ALKBH1: variants seen among roughly 807,000 people sequenced by gnomAD.
ALKBH1 encodes the protein alkB homolog 1, histone H2A dioxygenase.
A neutral mutation model predicts 36.6 loss-of-function variants in ALKBH1; 31 were observed. The observed-to-expected ratio is 0.85, with a 90% CI of 0.64 to 1.14. The LOEUF is 1.14. Among genes scored for constraint, ALKBH1 ranks in the 50% most tolerant of loss-of-function variants. The probability of loss-of-function intolerance (pLI) is 0.00; values close to 1 mark genes in which losing one functional copy is unlikely to be tolerated. For synonymous variants in ALKBH1, 183 were observed against 186.6 expected (o/e 0.98, Z 0.16); for missense variants, 490 against 497.3 (o/e 0.99, Z 0.14).
chr14:77,704,532 C>T lies in ALKBH1; in HGVS notation c.184-55G>A, dbSNP rs1212177956. The T allele has an allele frequency of 1.2e-5, 17 of 1,411,586 alleles. 1 individual carries two copies. Among genetic ancestry groups the T allele is most frequent in the South Asian group, 3.5e-5 (3 of 86,330 alleles). 87.4% of individuals were successfully genotyped at this position (1,411,586 alleles called of 1,614,324 possible). Reference sequence around the variant, plus strand: ...CTAAATCTATTTTGCAGGTCAACCCCGGGAACCTCAAACCTCCAAACACAT... The same window carrying T: ...CTAAATCTATTTTGCAGGTCAACCCTGGGAACCTCAAACCTCCAAACACAT... On this transcript the variant is annotated intron_variant, in intron 1 of 5. Coordinates refer to ENST00000216489, the MANE Select transcript of ALKBH1 (RefSeq NM_006020.3).
rs1403298000 is a variant in ALKBH1, at chr14:77,672,483, T to TA, written c.*1328dup. 6.6e-6 allele frequency: 1 copy of TA among 152,222 alleles called. No individual in the cohort carries two copies. The highest frequency in any genetic ancestry group is 1.5e-5 in the Non-Finnish European group (1 of 68,056). 9.4% of individuals were successfully genotyped at this position (152,222 alleles called of 1,614,324 possible). ...AACTCAATATTCAATGCCAGTAATT[T>TA]AAAAAAGGGGCAGAGCAGGACAGAG... On this transcript the variant is annotated 3_prime_UTR_variant, in exon 6 of 6. Coordinates refer to ENST00000216489, the MANE Select transcript of ALKBH1 (RefSeq NM_006020.3).
chr14:77,682,256 G>A (rs1395367432), intron 3 of ALKBH1, among the ~76,000 whole-genome samples: 1 of 152,148 alleles, frequency 6.6e-6, no homozygotes, highest in Admixed American at 6.5e-5. Flanking sequence ...ACAACTTGAG[G>A]TCTACCAATG....
chr14:77,693,421 CTGT>C (rs902322836), intron 3 of ALKBH1, among the ~76,000 whole-genome samples: 5 of 152,158 alleles, frequency 3.3e-5, no homozygotes, highest in African/African-American at 1.2e-4. Flanking sequence ...AAGACAGGAA[CTGT>C]TTTTTATCTG....
chr14:77,676,288 A>G (rs2080205470), intron 4 of ALKBH1, among the ~76,000 whole-genome samples: 1 of 151,880 alleles, frequency 6.6e-6, no homozygotes, highest in Non-Finnish European at 1.5e-5. Context: ...CGGTCTATCC[A>G]TCCATTCTTG....
intron 2 of ALKBH1, among the ~76,000 whole-genome samples, chr14:77,699,250 A>G (rs2080345584): frequency 6.6e-6 from 1 of 152,244 alleles, no homozygotes; most frequent in African/African-American, 2.4e-5. Context: ...AAATATCCTT[A>G]GGGAGAATTA....
At chr14:77,703,125 G>A (rs531307352) in intron 2 of ALKBH1, among the ~76,000 whole-genome samples, 11 of 151,992 alleles carry the variant, frequency 7.2e-5, no homozygotes, top group Admixed American at 2.0e-4. Context: ...CAGCCTGGGC[G>A]ACAGAGTGAG....
chr14:77,705,408 T>TGAGAAA (rs1475359823), intron 1 of ALKBH1, among the ~76,000 whole-genome samples: 4 of 57,488 alleles, frequency 7.0e-5, no homozygotes, highest in African/African-American at 7.0e-5. Context: ...AGACTCCGTC[T>TGAGAAA]AAGAAAAAAA....
At chr14:77,676,741 A>C (rs1034571793) in intron 4 of ALKBH1, among the ~76,000 whole-genome samples, 2 of 152,214 alleles carry the variant, frequency 1.3e-5, no homozygotes, top group Non-Finnish European at 2.9e-5. Context: ...ACTTTTCTGC[A>C]AATCTAAAAC....
chr14:77,707,714 T>C lies in ALKBH1; in HGVS notation c.183+108A>G, dbSNP rs553475523. The C allele has an allele frequency of 7.9e-5, 104 of 1,309,474 alleles. 1 individual carries two copies. In the African/African-American group the frequency reaches 1.3e-3, roughly 16 times the overall value. The allele number at this position is 1,309,474 out of a possible 1,614,324, so 81.1% of individuals were successfully genotyped here. On this transcript the variant is annotated intron_variant, in intron 1 of 5. Coordinates refer to ENST00000216489, the MANE Select transcript of ALKBH1 (RefSeq NM_006020.3). Reference sequence around the variant, plus strand: ...TGCAGCCAAAGGAGGTCAGGAATCGTTCAATAACAATCGGTCTGGAGGTGA... The same window carrying C: ...TGCAGCCAAAGGAGGTCAGGAATCGCTCAATAACAATCGGTCTGGAGGTGA...
intron 1 of ALKBH1, among the ~76,000 whole-genome samples, chr14:77,704,940 C>T (rs1387267457): frequency 2.0e-5 from 3 of 152,194 alleles, no homozygotes; most frequent in East Asian, 3.8e-4. Context: ...TTTCCTATGA[C>T]ATCATACCTT....
At chr14:77,679,633 G>A (rs967655515) in intron 4 of ALKBH1, among the ~76,000 whole-genome samples, 2 of 151,994 alleles carry the variant, frequency 1.3e-5, no homozygotes, top group East Asian at 1.9e-4. Context: ...GTTGTGCCAC[G>A]TTGCCCAGGC....
At position 77,673,968 on chromosome 14, in the gene ALKBH1, A is replaced by G. The variant is rs781466139; in HGVS notation, c.1014T>C (p.Arg338=). The G allele has an allele frequency of 1.2e-6, 2 of 1,614,200 alleles. No homozygotes were observed. Among genetic ancestry groups the G allele is most frequent in the Non-Finnish European group, 8.5e-7 (1 of 1,180,032 alleles). Residue 338 remains arginine (R), a synonymous_variant, in exon 6 of 6, where the codon CGT becomes CGC. Coordinates refer to ENST00000216489, the MANE Select transcript of ALKBH1 (RefSeq NM_006020.3). ...QVCASYLKTA[R]VNMTVRQVLA... ...GGACCTGTCGGACAGTCATGTTAACACGAGCGGTCTTCAAGTAGCTGGCAC... is the reference window on the plus strand; with the variant it reads ...GGACCTGTCGGACAGTCATGTTAACGCGAGCGGTCTTCAAGTAGCTGGCAC...
intron 3 of ALKBH1, among the ~76,000 whole-genome samples, chr14:77,690,598 G>C (rs1190938737): frequency 1.3e-5 from 2 of 152,166 alleles, no homozygotes. Context: ...GGTGAGAAAT[G>C]ACTGAATTTA....
At chr14:77,707,800 C>T in intron 1 of ALKBH1, 22 bp downstream of exon 1, 2 of 1,567,442 alleles carry the variant, frequency 1.3e-6, no homozygotes, top group Non-Finnish European at 1.7e-6. Context: ...TGGAGAGACG[C>T]GCGCCACTCC....
chr14:77,697,257 G>C (rs1359912765), intron 2 of ALKBH1: 1 of 154,848 alleles, frequency 6.5e-6, no homozygotes, highest in African/African-American at 2.4e-5. Context: ...TTCAAAATCT[G>C]TGGGTGCTGC....
chr14:77,675,402 C>G (rs577721012), intron 5 of ALKBH1, among the ~76,000 whole-genome samples: 14 of 151,750 alleles, frequency 9.2e-5, no homozygotes, highest in African/African-American at 2.9e-4. Context: ...CCACTGTATT[C>G]CAGCCTGGGT....
rs142904199 is a variant in ALKBH1 at position 77,694,816 on chromosome 14, G to A, written c.377C>T (p.Pro126Leu). The part of the protein sequence containing the change: ...KQCLKLYSQK[P>L]NVCNLDKHMS... ...GTGTTTGTCCAGGTTACATACATTA[G>A]GTTTCTGGGAATATAACTTAAGGCA... is the stretch of plus-strand genomic sequence containing the variant. The change falls in exon 3 of 6, where the codon CCT becomes CTT. Residue 126 changes from proline (P) to leucine (L), a missense_variant. Transcript: ENST00000216489. The A allele has an allele frequency of 6.2e-7, 1 of 1,607,394 alleles. No homozygotes were observed. Among genetic ancestry groups the A allele is most frequent in the Non-Finnish European group, 8.5e-7 (1 of 1,177,006 alleles).
chr14:77,680,677 C>CTCTCTTTTTTTTTTTTTTTTTTTTTT (rs774703181), intron 3 of ALKBH1, among the ~76,000 whole-genome samples: 1 of 124,348 alleles, frequency 8.0e-6, no homozygotes, highest in African/African-American at 3.2e-5. Context: ...ATTAACTACT[C>CTCTCTTTTTTTTTTTTTTTTTTTTTT]TTTTTTTTTT....
rs764392735 is a variant in ALKBH1, at chr14:77,675,781, A to C, written c.615T>G (p.Ala205=). The change falls in exon 5 of 6, where the codon GCT becomes GCG. Residue 205 remains alanine (A), a synonymous_variant. Transcript: ENST00000216489. ...DLGFLSEQVA[A]ACGFEDFRAE... is the part of the protein sequence containing the mutation. Reference sequence around the variant, plus strand: ...CTCGGAAATCCTCAAATCCACAGGCAGCGGCTACTTGCTCTGAGAGGAAAC... The same window carrying C: ...CTCGGAAATCCTCAAATCCACAGGCCGCGGCTACTTGCTCTGAGAGGAAAC... The C allele has an allele frequency of 1.2e-6, 2 of 1,614,174 alleles. No individual in the cohort carries two copies. The highest frequency in any genetic ancestry group is 1.1e-5 in the South Asian group (1 of 91,078).
Sources: allele counts gnomAD v4.1 joint callset (sites outside exome capture counted in the v4.1 genomes callset), GRCh38; gene constraint gnomAD v4.1.1; transcripts MANE v1.5; gene names NCBI Gene and HGNC (gene_info 2026-07-23, HGNC 2026-07-21).